Variants in DPP6 observed in about 807,000 individuals in gnomAD.
DPP6 encodes the protein A-type potassium channel modulatory protein DPP6.
DPP6 carries 69 observed loss-of-function variants against 122.6 expected under a neutral mutation model. The ratio of observed to expected loss-of-function variants is 0.56; its 90% CI spans 0.46 to 0.69. DPP6 has a LOEUF of 0.69. Among genes scored for constraint, DPP6 ranks in the 30% least tolerant of loss-of-function variants. The pLI is 0.00. For synonymous variants in DPP6, 418 were observed against 433.1 expected (o/e 0.97, Z 0.43); for missense variants, 928 against 1,116.9 (o/e 0.83, Z 2.41).
chr7:154,752,215 C>A (rs148265915), intron 8 of DPP6, among the ~76,000 whole-genome samples: 39 of 152,270 alleles, frequency 2.6e-4, no homozygotes, highest in African/African-American at 8.7e-4. Context: ...GGATCCTTAA[C>A]ATTTCAGTGT....
the DPP6 span, among the ~76,000 whole-genome samples, chr7:153,835,356 G>A: frequency 1.4e-4 from 21 of 151,854 alleles, 1 homozygote; most frequent in African/African-American, 3.9e-4. Context: ...GCCCTCTACT[G>A]GAATTCAGAA....
At chr7:154,371,109 G>T (rs1586081309) in intron 1 of DPP6, among the ~76,000 whole-genome samples, 2 of 152,228 alleles carry the variant, frequency 1.3e-5, no homozygotes, top group South Asian at 2.1e-4. Flanking sequence ...CGGGCATGGT[G>T]GTTCACACCT....
chr7:154,200,914 T>C (rs760989063), intron 1 of DPP6, among the ~76,000 whole-genome samples: 1 of 152,114 alleles, frequency 6.6e-6, no homozygotes, highest in Non-Finnish European at 1.5e-5. Flanking sequence ...AAGATTAGTA[T>C]AGAATCTTCT....
intron 5 of DPP6, chr7:154,588,032 G>T (rs138763198): frequency 0.014 from 22,423 of 1,612,302 alleles, 192 homozygotes; most frequent in Non-Finnish European, 0.016. Flanking sequence ...CTCACCCCGG[G>T]GATAATGCAC....
At chr7:153,838,741 A>C in the DPP6 span, among the ~76,000 whole-genome samples, 1 of 152,378 alleles carries the variant, frequency 6.6e-6, no homozygotes, top group Non-Finnish European at 1.5e-5. Flanking sequence ...CAAACAGTTA[A>C]TGGCTAGGTC....
intron 5 of DPP6, among the ~76,000 whole-genome samples, chr7:154,593,976 C>T (rs998253430): frequency 6.6e-6 from 1 of 152,148 alleles, no homozygotes; most frequent in Non-Finnish European, 1.5e-5. Flanking sequence ...GCTCTGAGAA[C>T]GGCCTACATA....
At chr7:153,924,775 C>T (rs1800812035) in intron 1 of DPP6, among the ~76,000 whole-genome samples, 1 of 152,104 alleles carries the variant, frequency 6.6e-6, no homozygotes, top group Non-Finnish European at 1.5e-5. Context: ...TGTTGCAGGA[C>T]GTTGTGTGTG....
At chr7:154,113,905 A>T (rs1246160211) in intron 1 of DPP6, among the ~76,000 whole-genome samples, 1 of 152,210 alleles carries the variant, frequency 6.6e-6, no homozygotes, top group Admixed American at 6.5e-5. Flanking sequence ...TTCCTTTAAG[A>T]TCAGGAACAA....
chr7:154,394,667 A>T (rs1435947467), intron 1 of DPP6, among the ~76,000 whole-genome samples: 1 of 152,138 alleles, frequency 6.6e-6, no homozygotes, highest in African/African-American at 2.4e-5. Context: ...ATCATGGACA[A>T]ACCAAATGTC....
At chr7:154,421,089 G>T (rs1586218759) in intron 1 of DPP6, among the ~76,000 whole-genome samples, 1 of 152,156 alleles carries the variant, frequency 6.6e-6, no homozygotes, top group East Asian at 1.9e-4. Flanking sequence ...CAATTACTAA[G>T]TGTGTGACTT....
chr7:154,769,361 C>T, intron 8 of DPP6, 56 bp from the exon 9 acceptor site: 4 of 1,604,402 alleles, frequency 2.5e-6, no homozygotes, highest in Non-Finnish European at 3.4e-6. Flanking sequence ...GCTGGTGCAG[C>T]TCCAATTTCC....
intron 1 of DPP6, among the ~76,000 whole-genome samples, chr7:154,106,189 C>T (rs1223209733): frequency 3.5e-5 from 5 of 144,638 alleles, no homozygotes; most frequent in African/African-American, 7.8e-5. Flanking sequence ...GGCTCCGTTA[C>T]TTCCTTCTTT....
rs755145719 is a variant in DPP6, at chr7:154,224,486, G to A, written c.243+171423G>A. The stretch of plus-strand genomic sequence containing the variant: ...TTTGAGGAAACTGTGTACTCTAAAT[G>A]TTTCTGCATTGGTCTCCCAGGCCAT... On this transcript the variant is annotated intron_variant, in intron 1 of 25. Transcript: ENST00000377770. 1.3e-4 allele frequency among the ~76,000 whole-genome samples: 20 copies of A among 149,160 alleles called. 1 individual carries two copies. Among genetic ancestry groups the A allele is most frequent in the Non-Finnish European group, 2.6e-4 (18 of 67,936 alleles).
At chr7:154,260,793 A>ATG (rs1802967860) in intron 1 of DPP6, among the ~76,000 whole-genome samples, 1 of 146,404 alleles carries the variant, frequency 6.8e-6, no homozygotes, top group South Asian at 2.1e-4. Context: ...TGCTATAAAC[A>ATG]TGTGTGTGCA....
intron 22 of DPP6, among the ~76,000 whole-genome samples, chr7:154,886,189 A>G (rs368613684): frequency 6.6e-6 from 1 of 152,140 alleles, no homozygotes; most frequent in African/African-American, 2.4e-5. Context: ...TAAGGAAGGG[A>G]TGGTTGGGAG....
At chr7:154,220,183 A>C (rs1800223970) in intron 1 of DPP6, among the ~76,000 whole-genome samples, 2 of 152,210 alleles carry the variant, frequency 1.3e-5, no homozygotes, top group African/African-American at 4.8e-5. Flanking sequence ...GAAGTAATTA[A>C]GTCCTGAGGG....
rs1823773805 is a variant in DPP6 at position 154,486,137 on chromosome 7, T to C, written c.457+11100T>C. On this transcript the variant is annotated intron_variant, in intron 3 of 25. Coordinates refer to ENST00000377770, the MANE Select transcript of DPP6 (RefSeq NM_130797.4). This position sits in a 1 kb window ranked among gnomAD's most constrained non-coding sequence, Gnocchi z 4.5. Reference sequence around the variant, plus strand: ...TCACCACCCCTACTCATGGCCTCTATTTTGTTTTTTTTTTGAGATGGAGTC... The same window carrying C: ...TCACCACCCCTACTCATGGCCTCTACTTTGTTTTTTTTTTGAGATGGAGTC... Among the ~76,000 whole-genome samples, 2 of 146,538 alleles carry C rather than the reference T, an allele frequency of 1.4e-5. No individual in the cohort carries two copies.
intron 1 of DPP6, among the ~76,000 whole-genome samples, chr7:154,235,499 T>C (rs1206931666): frequency 6.8e-6 from 1 of 147,092 alleles, no homozygotes; most frequent in East Asian, 2.0e-4. Flanking sequence ...TTTTTCCTCT[T>C]ACTATACAAA....
intron 1 of DPP6, among the ~76,000 whole-genome samples, chr7:154,053,270 G>T (rs867749568): frequency 1.4e-4 from 21 of 151,690 alleles, no homozygotes; most frequent in African/African-American, 5.1e-4. Context: ...CTGCAGCCGC[G>T]GCGGCCGGGA....
Sources: gnomAD v4.1 joint callset for allele counts (sites outside exome capture counted in the v4.1 genomes callset) on GRCh38, gnomAD v4.1.1 for gene constraint, Gnocchi (gnomAD v3.1) non-coding constraint, MANE v1.5 for transcripts, NCBI Gene and HGNC (gene_info 2026-07-23, HGNC 2026-07-21) for gene names.